Variants in ASCC3 observed in about 807,000 individuals in gnomAD.
ASCC3 encodes the protein activating signal cointegrator 1 complex subunit 3, also known as ASC-1 complex subunit P200.
ASCC3 carries 158 observed loss-of-function variants against 256.3 expected under a neutral mutation model. The ratio of observed to expected loss-of-function variants is 0.62; its 90% CI spans 0.54 to 0.70. The LOEUF (loss-of-function observed/expected upper bound fraction) is 0.70. Among genes scored for constraint, ASCC3 ranks in the 30% least tolerant of loss-of-function variants. The pLI is 0.00. For missense variants in ASCC3, 2,259 were observed against 2,626.0 expected, an observed-to-expected ratio of 0.86 and a Z score of 3.05; for synonymous variants, 948 against 883.4, an observed-to-expected ratio of 1.07 and a Z score of -1.30.
chr6:100,717,709 T>G (rs904747374), intron 12 of ASCC3, among the ~76,000 whole-genome samples: 2 of 152,106 alleles, frequency 1.3e-5, no homozygotes, highest in Non-Finnish European at 2.9e-5. Context: ...ATGAATATCA[T>G]CACAATATAT....
chr6:100,740,157 ACTT>A (rs1780360624), intron 10 of ASCC3, among the ~76,000 whole-genome samples: 1 of 152,180 alleles, frequency 6.6e-6, no homozygotes, highest in Admixed American at 6.6e-5. Context: ...TTTTGAAAGA[ACTT>A]CTTGATTTCT....
Position 100,805,742 on chromosome 6 carries a change from C to A in ASCC3, c.922+18G>T. On this transcript the variant is annotated intron_variant, in intron 5 of 41. Coordinates refer to ENST00000369162, the MANE Select transcript of ASCC3 (RefSeq NM_006828.4). The stretch of plus-strand genomic sequence containing the variant: ...AATATTTCCTTTAAATTACAATGAC[C>A]ACTGCATACTTTCTTACCTTGAAGA... The A allele has an allele frequency of 6.2e-7, 1 of 1,607,702 alleles. No homozygotes were observed. The highest frequency in any genetic ancestry group is 8.5e-7 in the Non-Finnish European group (1 of 1,177,022).
intron 4 of ASCC3, among the ~76,000 whole-genome samples, chr6:100,847,841 CTCAT>C (rs1160220547): frequency 6.6e-6 from 1 of 152,162 alleles, no homozygotes; most frequent in African/African-American, 2.4e-5. Context: ...AAATATATTA[CTCAT>C]TCAATTTGTC....
At chr6:100,616,374 ATTCT>A (rs1773663573) in intron 30 of ASCC3, among the ~76,000 whole-genome samples, 1 of 152,232 alleles carries the variant, frequency 6.6e-6, no homozygotes, top group Admixed American at 6.5e-5. Context: ...TCATGAAAGT[ATTCT>A]TCCTATGCAC....
chr6:100,798,593 A>G (rs1769749199), intron 8 of ASCC3, 120 bp downstream of exon 8: 1 of 1,468,688 alleles, frequency 6.8e-7, no homozygotes, highest in East Asian at 2.3e-5. Context: ...GTAACCAACT[A>G]TATATGTCTG....
At chr6:100,579,297 G>A (rs761480754) in intron 36 of ASCC3, among the ~76,000 whole-genome samples, 6 of 151,494 alleles carry the variant, frequency 4.0e-5, no homozygotes, top group Non-Finnish European at 8.8e-5. Context: ...TAGGCTGTCT[G>A]TTTACTCTAC....
intron 36 of ASCC3, among the ~76,000 whole-genome samples, chr6:100,552,906 A>G (rs1769374123): frequency 6.6e-6 from 1 of 151,902 alleles, no homozygotes. Context: ...TTCCTTTTGG[A>G]GATGATATTT....
At chr6:100,813,371 A>C (rs1036711009) in intron 4 of ASCC3, among the ~76,000 whole-genome samples, 1 of 151,938 alleles carries the variant, frequency 6.6e-6, no homozygotes, top group Non-Finnish European at 1.5e-5. Context: ...CAGGAAAAGC[A>C]CTTGAACCTG....
intron 14 of ASCC3, among the ~76,000 whole-genome samples, chr6:100,664,585 C>A (rs1242230659): frequency 6.6e-6 from 1 of 152,018 alleles, no homozygotes; most frequent in Non-Finnish European, 1.5e-5. Flanking sequence ...TGTATTCTTA[C>A]TTTATTCTTA....
At chr6:100,831,387 T>C (rs995144917) in intron 4 of ASCC3, among the ~76,000 whole-genome samples, 1 of 149,914 alleles carries the variant, frequency 6.7e-6, no homozygotes, top group Non-Finnish European at 1.5e-5. Context: ...AAGACTAATA[T>C]CTCCCTCAAC....
At chr6:100,753,850 C>T (rs1352056713) in intron 10 of ASCC3, among the ~76,000 whole-genome samples, 1 of 152,120 alleles carries the variant, frequency 6.6e-6, no homozygotes, top group Non-Finnish European at 1.5e-5. Flanking sequence ...GAACCATAAT[C>T]ATTAGGCCTA....
At chr6:100,620,731 A>G (rs932128842) in intron 30 of ASCC3, among the ~76,000 whole-genome samples, 4 of 152,124 alleles carry the variant, frequency 2.6e-5, no homozygotes, top group African/African-American at 9.7e-5. Flanking sequence ...GTCTTAACCA[A>G]TTACCCATGT....
chr6:100,540,333 T>C lies in ASCC3; in HGVS notation c.5605A>G (p.Ser1869Gly). ...PVRHNEDHMN[S>G]ELAKCLPIES... ...ATGGGAAGACATTTTGCCAGTTCAC[T>C]ATTCATATGATCTTCATTGTGTCTC... The change falls in exon 37 of 42, where the codon AGT (serine) becomes GGT (glycine). Residue 1869 changes from serine (S) to glycine (G), a missense_variant. By Grantham distance (56) the Ser-to-Gly change is moderately conservative (BLOSUM62 0). Coordinates refer to ENST00000369162, the MANE Select transcript of ASCC3 (RefSeq NM_006828.4). 2 of 1,613,814 alleles carry C rather than the reference T, an allele frequency of 1.2e-6. No homozygotes were observed. Among genetic ancestry groups the C allele is most frequent in the South Asian group, 1.1e-5 (1 of 91,056 alleles).
At chr6:100,554,098 T>A (rs980347572) in intron 36 of ASCC3, among the ~76,000 whole-genome samples, 1 of 152,190 alleles carries the variant, frequency 6.6e-6, no homozygotes, top group African/African-American at 2.4e-5. Flanking sequence ...AAATCTTACA[T>A]GTACTGTGAC....
intron 8 of ASCC3, among the ~76,000 whole-genome samples, chr6:100,780,297 C>T (rs542159529): frequency 2.0e-5 from 3 of 152,234 alleles, no homozygotes; most frequent in Non-Finnish European, 4.4e-5. Flanking sequence ...CTGGAGAGTG[C>T]CCAGCTAACT....
intron 25 of ASCC3, among the ~76,000 whole-genome samples, chr6:100,634,293 A>G (rs1334414132): frequency 6.6e-6 from 1 of 152,170 alleles, no homozygotes; most frequent in East Asian, 1.9e-4. Flanking sequence ...ACCACATTAT[A>G]TATTATTGTT....
intron 37 of ASCC3, among the ~76,000 whole-genome samples, chr6:100,527,099 G>C (rs1774613290): frequency 6.6e-6 from 1 of 152,140 alleles, no homozygotes; most frequent in South Asian, 2.1e-4. Flanking sequence ...TTGTACTCAA[G>C]TCACCTTAAC....
At chr6:100,729,960 G>A (rs1187927152) in intron 10 of ASCC3, among the ~76,000 whole-genome samples, 4 of 151,946 alleles carry the variant, frequency 2.6e-5, no homozygotes, top group Non-Finnish European at 5.9e-5. Flanking sequence ...TCAAATCTCA[G>A]GAGCCATTGA....
chr6:100,560,092 T>C (rs1769848519), intron 36 of ASCC3, among the ~76,000 whole-genome samples: 1 of 152,192 alleles, frequency 6.6e-6, no homozygotes, highest in Admixed American at 6.6e-5. Flanking sequence ...TATGTCTTTC[T>C]GGTAATATAT....
Sources: allele counts gnomAD v4.1 joint callset (sites outside exome capture counted in the v4.1 genomes callset), GRCh38; gene constraint gnomAD v4.1.1; transcripts MANE v1.5; gene names NCBI Gene and HGNC (gene_info 2026-07-23, HGNC 2026-07-21).